The following SCUBE1 variants were observed in gnomAD, a reference collection of about 807,000 sequenced individuals.
SCUBE1 encodes the protein signal peptide, CUB domain and EGF like domain containing 1.
In SCUBE1, 59 loss-of-function variants were observed where a neutral mutation model predicts 124.4. The ratio of observed to expected loss-of-function variants is 0.47; its 90% CI spans 0.38 to 0.59. SCUBE1 has a LOEUF of 0.59. SCUBE1 is among the 20% of genes least tolerant of loss of function. The probability of loss-of-function intolerance (pLI) is 0.00; values close to 1 mark genes in which losing one functional copy is unlikely to be tolerated. For missense variants in SCUBE1, 1,150 were observed against 1,371.2 expected (o/e 0.84, Z 2.55); for synonymous variants, 545 against 550.9 (o/e 0.99, Z 0.15).
chr22:43,213,960 G>A, intron 16 of SCUBE1, 130 bp downstream of exon 16: 3 of 982,584 alleles, frequency 3.1e-6, no homozygotes, highest in Non-Finnish European at 4.4e-6. Flanking sequence ...AAACGACAAG[G>A]AACTTTAGAA....
chr22:43,286,629 A>G (rs1272313398), intron 4 of SCUBE1, among the ~76,000 whole-genome samples: 3 of 152,198 alleles, frequency 2.0e-5, no homozygotes, highest in African/African-American at 7.2e-5. Flanking sequence ...AAAGCCATAG[A>G]ATCCCCAGAG....
intron 21 of SCUBE1, among the ~76,000 whole-genome samples, chr22:43,205,350 G>A (rs1047674168): frequency 1.3e-5 from 2 of 152,082 alleles, no homozygotes; most frequent in Admixed American, 1.3e-4. Context: ...CTCTAGTGGG[G>A]CACTGGCTGC....
rs1922046140 is a variant in SCUBE1 at position 43,220,542 on chromosome 22, T to A, written c.1595A>T (p.Lys532Met). The change falls in exon 14 of 22, where the codon AAG (lysine) becomes ATG (methionine). Residue 532 changes from lysine (K) to methionine (M), a missense_variant. Transcript: ENST00000360835. ...GGACTTGCGGCCACGGCGCCTCTTC[T>A]TGGAGGAGTCACACTTGAGGGTCAC... is the stretch of plus-strand genomic sequence containing the variant. ...TFVTLKCDSS[K>M]KRRRGRKSPS... 6.2e-7 allele frequency: 1 copy of A among 1,613,992 alleles called. No individual in the cohort carries two copies. Among genetic ancestry groups the A allele is most frequent in the Admixed American group, 1.7e-5 (1 of 60,006 alleles).
intron 1 of SCUBE1, among the ~76,000 whole-genome samples, chr22:43,339,575 C>T (rs1026548732): frequency 1.3e-5 from 2 of 151,436 alleles, no homozygotes; most frequent in Non-Finnish European, 2.9e-5. Context: ...ACTCCCCCAA[C>T]AAGCATCACT....
chr22:43,244,693 C>A (rs932067560), intron 6 of SCUBE1, among the ~76,000 whole-genome samples: 2 of 152,220 alleles, frequency 1.3e-5, no homozygotes, highest in Non-Finnish European at 2.9e-5. Flanking sequence ...GGGCAAAGGA[C>A]CCTCCCCTCC....
intron 7 of SCUBE1, chr22:43,238,582 T>C (rs1319911594): frequency 1.6e-6 from 1 of 608,276 alleles, no homozygotes; most frequent in Non-Finnish European, 3.0e-6. Flanking sequence ...CTGACATCAG[T>C]GCCTTTTTGG....
At chr22:43,245,926 G>A (rs910277516) in intron 6 of SCUBE1, among the ~76,000 whole-genome samples, 1 of 152,190 alleles carries the variant, frequency 6.6e-6, no homozygotes, top group Non-Finnish European at 1.5e-5. Context: ...ACTAGTGGGC[G>A]GGTGGGTGTT....
At chr22:43,234,000 C>T (rs947605011) in intron 7 of SCUBE1, among the ~76,000 whole-genome samples, 5 of 151,926 alleles carry the variant, frequency 3.3e-5, no homozygotes, top group Non-Finnish European at 7.4e-5. Flanking sequence ...CAGCACCACA[C>T]GCAGGAGCCG....
Position 43,203,922 on chromosome 22 carries a change from A to G in SCUBE1, c.*75T>C. 2 of 1,497,074 alleles carry G rather than the reference A, an allele frequency of 1.3e-6. No homozygotes were observed. The highest frequency in any genetic ancestry group is 1.2e-5 in the South Asian group (1 of 84,868). The allele number at this position is 1,497,074 out of a possible 1,614,324, so 92.7% of individuals were successfully genotyped here. A position where few individuals can be genotyped will look rare whatever the true frequency, so the allele number is the denominator to read the frequency against. On this transcript the variant is annotated 3_prime_UTR_variant, in exon 22 of 22. Transcript: ENST00000360835. ...GGTTCCCAAGGTGGTGTGGAGGCCC[A>G]TGCAGCTCCCACTGTGGAGGGCAGG...
In SCUBE1 at chr22:43,203,871, G is replaced by A. The variant is rs114525629; in HGVS notation, c.*126C>T. On this transcript the variant is annotated 3_prime_UTR_variant, in exon 22 of 22. Coordinates refer to ENST00000360835, the MANE Select transcript of SCUBE1 (RefSeq NM_173050.5). ...TGGGCTCGGTCTCCATGGGCTGGTCGGCTTCCCTGAAGGGCAGTGCCATGG... is the reference window on the plus strand; with the variant it reads ...TGGGCTCGGTCTCCATGGGCTGGTCAGCTTCCCTGAAGGGCAGTGCCATGG... 1,009 of 1,025,158 alleles carry A rather than the reference G, an allele frequency of 9.8e-4. 7 individuals carry two copies. In the African/African-American group the frequency reaches 0.015, roughly 15 times the overall value. 63.5% of individuals were successfully genotyped at this position (1,025,158 alleles called of 1,614,324 possible). A position where few individuals can be genotyped will look rare whatever the true frequency, so the allele number is the denominator to read the frequency against.
At chr22:43,315,159 G>A (rs1489819156) in intron 3 of SCUBE1, among the ~76,000 whole-genome samples, 2 of 152,076 alleles carry the variant, frequency 1.3e-5, no homozygotes, top group Non-Finnish European at 1.5e-5. Flanking sequence ...AGCCTTTGCT[G>A]GAAAGTGATG....
intron 2 of SCUBE1, among the ~76,000 whole-genome samples, chr22:43,333,843 G>A (rs532376195): frequency 7.2e-5 from 11 of 152,276 alleles, no homozygotes; most frequent in African/African-American, 2.4e-4. Context: ...AAAATGGAAG[G>A]CATAGTCCCT....
intron 13 of SCUBE1, 93 bp downstream of exon 13, chr22:43,221,080 C>A (rs1046430157): frequency 4.7e-6 from 4 of 859,080 alleles, no homozygotes; most frequent in Non-Finnish European, 7.5e-6. Flanking sequence ...CCTTGGAAAC[C>A]AGACTCGCTG....
chr22:43,214,041 G>GCCCCCCCCCCCCCCCCCCCCCC, intron 16 of SCUBE1, 49 bp downstream of exon 16: 3 of 484,840 alleles, frequency 6.2e-6, no homozygotes, highest in Non-Finnish European at 1.0e-5. Flanking sequence ...GACAGGAGGA[G>GCCCCCCCCCCCCCCCCCCCCCC]CCCCCGCCCA....
chr22:43,240,145 T>C (rs1922945868), intron 6 of SCUBE1, among the ~76,000 whole-genome samples: 1 of 152,114 alleles, frequency 6.6e-6, no homozygotes, highest in Non-Finnish European at 1.5e-5. Context: ...TCTGCAGGGC[T>C]GAGGTGGTGG....
chr22:43,214,724 C>T lies in SCUBE1; in HGVS notation c.1892-473G>A, dbSNP rs145628748. 4.5e-3 allele frequency among the ~76,000 whole-genome samples: 691 copies of T among 152,130 alleles called. 2 individuals carry two copies. Among genetic ancestry groups the T allele is most frequent in the Non-Finnish European group, 7.4e-3 (500 of 67,976 alleles). ...AATAGGCAAGGGCAGGAGGGCCTGG[C>T]GGGCGAGGTGGGAGGGGCGTAGCGA... On this transcript the variant is annotated intron_variant, in intron 15 of 21. Transcript: ENST00000360835.
intron 4 of SCUBE1, among the ~76,000 whole-genome samples, chr22:43,289,378 C>T (rs1398120612): frequency 2.0e-5 from 3 of 152,158 alleles, no homozygotes; most frequent in East Asian, 1.9e-4. Context: ...TCCTGATGCC[C>T]GGGAGCCACC....
intron 2 of SCUBE1, among the ~76,000 whole-genome samples, chr22:43,327,526 C>T (rs1926766969): frequency 6.6e-6 from 1 of 152,172 alleles, no homozygotes; most frequent in East Asian, 1.9e-4. Context: ...GTAGCTCACG[C>T]CTGTAATCCC....
intron 15 of SCUBE1, among the ~76,000 whole-genome samples, chr22:43,215,789 C>T (rs1921783762): frequency 6.6e-6 from 1 of 152,118 alleles, no homozygotes; most frequent in Non-Finnish European, 1.5e-5. Context: ...ACATGTCTTT[C>T]TGGATGGGAG....
Sources: allele counts gnomAD v4.1 joint callset (sites outside exome capture counted in the v4.1 genomes callset), GRCh38; gene constraint gnomAD v4.1.1; transcripts MANE v1.5; gene names NCBI Gene and HGNC (gene_info 2026-07-23, HGNC 2026-07-21).